Variants in CAPN9 observed in about 807,000 individuals in gnomAD.
CAPN9 encodes the protein calpain-9.
CAPN9 carries 81 observed loss-of-function variants against 92.8 expected under a neutral mutation model. The ratio of observed to expected loss-of-function variants is 0.87; its 90% CI spans 0.73 to 1.05. CAPN9 has a LOEUF of 1.05. Among genes scored for constraint, CAPN9 ranks in the 50% least tolerant of loss-of-function variants. The probability of loss-of-function intolerance (pLI) is 0.00; values close to 1 mark genes in which losing one functional copy is unlikely to be tolerated. For synonymous variants in CAPN9, 304 were observed against 328.0 expected, an observed-to-expected ratio of 0.93 and a Z score of 0.79; for missense variants, 848 against 866.2, an observed-to-expected ratio of 0.98 and a Z score of 0.26.
chr1:230,777,714 C>A (rs1259191677), intron 8 of CAPN9, among the ~76,000 whole-genome samples: 1 of 151,792 alleles, frequency 6.6e-6, no homozygotes, highest in Non-Finnish European at 1.5e-5. Context: ...GGGACGCCAC[C>A]GACTCTCACT....
Position 230,775,855 on chromosome 1 carries a change from T to C in CAPN9, c.953+1224T>C, listed in dbSNP as rs557009979. On this transcript the variant is annotated intron_variant, in intron 8 of 19. Transcript: ENST00000271971. Reference sequence around the variant, plus strand: ...TGGCGTGAACCCAGGAGGTGGAGCTTGCAGTGAGCCGAGATTGCATCACTG... The same window carrying C: ...TGGCGTGAACCCAGGAGGTGGAGCTCGCAGTGAGCCGAGATTGCATCACTG... Among the ~76,000 whole-genome samples the C allele has an allele frequency of 2.0e-5, 3 of 150,538 alleles. No homozygotes were observed. The East Asian group carries it at 5.9e-4, about 30-fold the overall frequency.
intron 1 of CAPN9, among the ~76,000 whole-genome samples, chr1:230,752,287 G>A (rs1248917709): frequency 1.3e-5 from 2 of 152,074 alleles, no homozygotes; most frequent in Non-Finnish European, 2.9e-5. Flanking sequence ...ACATGCGTCC[G>A]CAGAACCCCC....
Position 230,774,639 on chromosome 1 carries a change from GCTTGTT to G in CAPN9, c.953+10_953+15del. 1 of 1,609,760 alleles carries G rather than the reference GCTTGTT, an allele frequency of 6.2e-7. No individual in the cohort carries two copies. On this transcript the variant is annotated intron_variant, in intron 8 of 19. Coordinates refer to ENST00000271971, the MANE Select transcript of CAPN9 (RefSeq NM_006615.3). ...GGATGATGGGGAATTCTGGTACCGT[GCTTGTT>G]CCTGTGTTAACTGCAGATACGAGCA...
At chr1:230,756,161 C>A (rs943486344) in intron 2 of CAPN9, among the ~76,000 whole-genome samples, 6 of 152,164 alleles carry the variant, frequency 3.9e-5, no homozygotes, top group African/African-American at 1.4e-4. Context: ...TGACTTATTT[C>A]TAGCTGAGGT....
At chr1:230,791,786 T>G in intron 14 of CAPN9, 78 bp from the exon 15 acceptor site, 7 of 1,089,910 alleles carry the variant, frequency 6.4e-6, no homozygotes, top group Non-Finnish European at 8.5e-6. Context: ...TTTAGCCACA[T>G]TATTGGGCTT....
intron 1 of CAPN9, chr1:230,752,842 G>A (rs2986384): frequency 0.72 from 175,050 of 241,948 alleles, 64,100 homozygotes; most frequent in African/African-American, 0.8. Flanking sequence ...ACATTCTGCA[G>A]CAAGCCCAGA....
chr1:230,790,273 G>A (rs1018459967), intron 14 of CAPN9, 84 bp downstream of exon 14: 14 of 1,546,298 alleles, frequency 9.1e-6, no homozygotes, highest in Middle Eastern at 3.5e-4. Flanking sequence ...CTGCTCCTCC[G>A]AGCCGCAGAT....
chr1:230,770,076 C>G (rs577583529), intron 6 of CAPN9, among the ~76,000 whole-genome samples: 29 of 152,204 alleles, frequency 1.9e-4, no homozygotes, highest in African/African-American at 7.0e-4. Flanking sequence ...CACCCCAACC[C>G]CTGACATTGT....
chr1:230,791,789 TTGGGCTTTCAGCAGA>T, intron 14 of CAPN9, 60 bp from the exon 15 acceptor site: 3 of 1,138,048 alleles, frequency 2.6e-6, no homozygotes, highest in Non-Finnish European at 4.0e-6. Flanking sequence ...AGCCACATTA[TTGGGCTTTCAGCAGA>T]TGGGTACATA....
chr1:230,767,666 A>G lies in CAPN9; in HGVS notation c.662A>G (p.Glu221Gly), dbSNP rs1377121442. The G allele has an allele frequency of 1.2e-5, 19 of 1,613,392 alleles. No individual in the cohort carries two copies. The highest frequency in any genetic ancestry group is 1.6e-5 in the Non-Finnish European group (19 of 1,179,870). The change falls in exon 5 of 20, where the codon GAG becomes GGG. Residue 221 changes from glutamate to glycine, a missense_variant. Transcript: ENST00000271971. ...EAPENFYEIL[E>G]KALKRGSLLG... ...CCCGAGAACTTCTATGAGATTCTAG[A>G]GAAGGCTTTGAAGAGAGGCTCCCTG... is the stretch of plus-strand genomic sequence containing the variant.
At chr1:230,787,476 C>T (rs779269331) in intron 12 of CAPN9, 46 bp from the exon 13 acceptor site, 1 of 1,547,970 alleles carries the variant, frequency 6.5e-7, no homozygotes, top group Admixed American at 1.7e-5. Context: ...TGTCATGTTT[C>T]TTTTTTGTGG....
chr1:230,770,018 G>A (rs1481580114), intron 6 of CAPN9, among the ~76,000 whole-genome samples: 1 of 152,194 alleles, frequency 6.6e-6, no homozygotes, highest in Non-Finnish European at 1.5e-5. Context: ...GCTATTCGGA[G>A]TTCAGCTTTA....
intron 15 of CAPN9, 49 bp from the exon 16 acceptor site, chr1:230,792,377 G>GCC: frequency 6.6e-7 from 1 of 1,507,204 alleles, no homozygotes; most frequent in Non-Finnish European, 9.2e-7. Context: ...CCCACGAGGA[G>GCC]CCTCAGGTTG....
At chr1:230,757,739 G>T (rs1460019170) in intron 2 of CAPN9, among the ~76,000 whole-genome samples, 1 of 126,758 alleles carries the variant, frequency 7.9e-6, no homozygotes. Context: ...AAAAAAACTA[G>T]AACACACTTG....
intron 4 of CAPN9, among the ~76,000 whole-genome samples, chr1:230,764,481 A>G (rs931655091): frequency 1.3e-5 from 2 of 152,198 alleles, no homozygotes; most frequent in African/African-American, 4.8e-5. Flanking sequence ...CCAGTTTGCA[A>G]ATGGCAGATT....
intron 11 of CAPN9, among the ~76,000 whole-genome samples, chr1:230,784,997 A>G (rs28741097): frequency 0.012 from 1,851 of 152,338 alleles, 37 homozygotes; most frequent in African/African-American, 0.042. Flanking sequence ...TGTTCCCTGG[A>G]TGTAGGACAT....
rs1667230549 is a variant in CAPN9, at chr1:230,781,619, C to T, written c.1481+911C>T. Among the ~76,000 whole-genome samples, 2 of 152,138 alleles carry T rather than the reference C, an allele frequency of 1.3e-5. 1 individual carries two copies. Among genetic ancestry groups the T allele is most frequent in the Non-Finnish European group, 2.9e-5 (2 of 68,024 alleles). Reference sequence around the variant, plus strand: ...CTGTGGCACAGGGGGAAAAATGGTTCAAGACAGAGGAATCCATTTCTTTTC... The same window carrying T: ...CTGTGGCACAGGGGGAAAAATGGTTTAAGACAGAGGAATCCATTTCTTTTC... On this transcript the variant is annotated intron_variant, in intron 11 of 19. Coordinates refer to ENST00000271971, the MANE Select transcript of CAPN9 (RefSeq NM_006615.3).
chr1:230,798,114 A>G (rs1668465206), intron 18 of CAPN9, 48 bp from the exon 19 acceptor site: 2 of 1,397,608 alleles, frequency 1.4e-6, no homozygotes, highest in South Asian at 2.3e-5. Flanking sequence ...CAAACTTGGT[A>G]AAGGAATTGT....
chr1:230,800,874 C>A (rs1362074632), intron 19 of CAPN9, among the ~76,000 whole-genome samples: 1 of 152,166 alleles, frequency 6.6e-6, no homozygotes, highest in Admixed American at 6.5e-5. Context: ...TAGGAAGCAA[C>A]AGGAGATTTT....
Sources: allele counts gnomAD v4.1 joint callset (sites outside exome capture counted in the v4.1 genomes callset), GRCh38; gene constraint gnomAD v4.1.1; transcripts MANE v1.5; gene names NCBI Gene and HGNC (gene_info 2026-07-23, HGNC 2026-07-21).